RFC3: variants seen among roughly 807,000 people sequenced by gnomAD.
The protein encoded by RFC3 is replication factor C subunit 3.
A neutral mutation model predicts 45.1 loss-of-function variants in RFC3; 41 were observed. The observed-to-expected ratio is 0.91, with a 90% confidence interval of 0.71 to 1.18. The LOEUF is 1.18. RFC3 is among the 50% of genes most tolerant of loss of function. The pLI, the probability that RFC3 is intolerant of heterozygous loss-of-function variation, is 0.00. For missense variants in RFC3, 423 were observed against 428.1 expected, an observed-to-expected ratio of 0.99 and a Z score of 0.10; for synonymous variants, 149 against 144.0, an observed-to-expected ratio of 1.03 and a Z score of -0.25.
chr13:33,918,724 A>G (rs1277705198), intron 8 of RFC3, among the ~76,000 whole-genome samples: 1 of 152,128 alleles, frequency 6.6e-6, no homozygotes, highest in East Asian at 1.9e-4. Flanking sequence ...AGGAAGGCCG[A>G]GGCTGTCACA....
chr13:33,947,263 G>A (rs1436151573), intron 8 of RFC3, among the ~76,000 whole-genome samples: 3 of 152,164 alleles, frequency 2.0e-5, no homozygotes, highest in African/African-American at 4.8e-5. Flanking sequence ...TGAGTCTCAT[G>A]AGATCTGATG....
rs1207189277 is a variant in RFC3, at chr13:33,948,742, GA to G, written c.880-17342del. Reference sequence around the variant, plus strand: ...ACATGGAGTTAAAGGAAATCATTTTGAAACTTTAAGGTTTAATGACTACCCT... The same window carrying G: ...ACATGGAGTTAAAGGAAATCATTTTGAACTTTAAGGTTTAATGACTACCCT... On this transcript the variant is annotated intron_variant, in intron 8 of 8. Coordinates refer to the RFC3 transcript ENST00000434425. Among the ~76,000 whole-genome samples, 3 of 152,338 alleles carry G rather than the reference GA, an allele frequency of 2.0e-5. No homozygotes were observed. The East Asian group carries it at 5.8e-4, about 29-fold the overall frequency.
intron 3 of RFC3, among the ~76,000 whole-genome samples, chr13:33,825,163 G>C (rs575696989): frequency 8.9e-4 from 136 of 152,272 alleles, no homozygotes; most frequent in Non-Finnish European, 1.5e-3. Context: ...CTCTTGGCTT[G>C]AGAGGTCTTT....
Position 33,830,829 on chromosome 13 carries a change from T to A in RFC3, c.684T>A (p.Leu228=). Residue 228 remains leucine, a synonymous_variant, in exon 6 of 9, where the codon CTT becomes CTA. Transcript: ENST00000380071. The part of the protein sequence containing the change: ...KSCRNLRKAL[L]MCEACRVQQY... ...GTAGAAATCTCAGAAAAGCCCTGCT[T>A]ATGTGTGAAGCCTGCAGAGTGCAAC... The A allele has an allele frequency of 6.2e-7, 1 of 1,613,732 alleles. No homozygotes were observed. Among genetic ancestry groups the A allele is most frequent in the Non-Finnish European group, 8.5e-7 (1 of 1,179,840 alleles).
intron 8 of RFC3, among the ~76,000 whole-genome samples, chr13:33,862,452 T>C (rs1338328686): frequency 2.0e-5 from 3 of 152,212 alleles, no homozygotes; most frequent in African/African-American, 7.2e-5. Context: ...CCATTAATGC[T>C]TCCCATCCTT....
intron 8 of RFC3, among the ~76,000 whole-genome samples, chr13:33,883,260 T>G (rs184656427): frequency 6.6e-6 from 1 of 152,290 alleles, no homozygotes; most frequent in Non-Finnish European, 1.5e-5. Context: ...TTTGTAGCAG[T>G]CCAATCCAGG....
At chr13:33,870,412 A>G (rs183312645) in intron 8 of RFC3, among the ~76,000 whole-genome samples, 4 of 152,362 alleles carry the variant, frequency 2.6e-5, no homozygotes, top group African/African-American at 7.2e-5. Flanking sequence ...ATGATGGCAA[A>G]ATAAGAAATA....
chr13:33,880,338 T>G (rs1267005815), intron 8 of RFC3, among the ~76,000 whole-genome samples: 1 of 152,194 alleles, frequency 6.6e-6, no homozygotes. Context: ...TGCAGCATTT[T>G]GGATGTAAGG....
chr13:33,851,600 TGAG>T (rs2082277000), intron 8 of RFC3, among the ~76,000 whole-genome samples: 1 of 152,054 alleles, frequency 6.6e-6, no homozygotes, highest in South Asian at 2.1e-4. Flanking sequence ...AGCAGGCTGT[TGAG>T]GAGGAGGGGT....
In RFC3 at chr13:33,836,773, A is replaced by T; in HGVS notation, c.*478A>T. The stretch of plus-strand genomic sequence containing the variant: ...AATGTAAGATTTCATTCTGAAACAT[A>T]ATTATTGGTATGGACAAAATTGCAG... On this transcript the variant is annotated 3_prime_UTR_variant, in exon 9 of 9. Coordinates refer to ENST00000380071, the MANE Select transcript of RFC3 (RefSeq NM_002915.4). 1 of 985,906 alleles carries T rather than the reference A, an allele frequency of 1.0e-6. No homozygotes were observed. The highest frequency in any genetic ancestry group is 1.2e-6 in the Non-Finnish European group (1 of 830,136). The allele number at this position is 985,906 out of a possible 1,614,324, so 61.1% of individuals were successfully genotyped here.
At chr13:33,900,243 A>G (rs2082631354) in intron 8 of RFC3, among the ~76,000 whole-genome samples, 1 of 152,102 alleles carries the variant, frequency 6.6e-6, no homozygotes, top group African/African-American at 2.4e-5. Flanking sequence ...AAAAAAGAAC[A>G]AAGCGGGAGG....
intron 8 of RFC3, among the ~76,000 whole-genome samples, chr13:33,917,790 G>T (rs1367821740): frequency 6.6e-6 from 1 of 151,982 alleles, no homozygotes; most frequent in East Asian, 1.9e-4. Context: ...AAAATGAAAA[G>T]AGACCCTTTT....
chr13:33,972,935 A>G, the RFC3 span, among the ~76,000 whole-genome samples: 12 of 152,358 alleles, frequency 7.9e-5, no homozygotes, highest in South Asian at 2.1e-3. Flanking sequence ...GCAGAAGGGC[A>G]TAAGAATCGC....
rs143007821 is a variant in RFC3 at position 33,938,508 on chromosome 13, A to G, written c.880-27579A>G. ...AACCACCATTCTGATTTTTAACACT[A>G]TGGTGTTAAAAATCCATTTATTTGG... On this transcript the variant is annotated intron_variant, in intron 8 of 8. Transcript: ENST00000434425. Among the ~76,000 whole-genome samples, 64 of 152,198 alleles carry G rather than the reference A, an allele frequency of 4.2e-4. 1 individual carries two copies. Among genetic ancestry groups the G allele is most frequent in the Non-Finnish European group, 6.2e-4 (42 of 67,980 alleles).
chr13:33,961,618 GAGA>G (rs761401520), intron 8 of RFC3, among the ~76,000 whole-genome samples: 1 of 152,182 alleles, frequency 6.6e-6, no homozygotes, highest in Non-Finnish European at 1.5e-5. Flanking sequence ...CAGGGTAAAG[GAGA>G]AGAAGATACC....
At chr13:33,854,125 G>A (rs779476684) in intron 8 of RFC3, among the ~76,000 whole-genome samples, 8 of 152,196 alleles carry the variant, frequency 5.3e-5, no homozygotes, top group Admixed American at 1.3e-4. Context: ...TTTGTTAACT[G>A]TCTGATGGAA....
At chr13:33,884,469 T>C (rs1449812939) in intron 8 of RFC3, among the ~76,000 whole-genome samples, 1 of 152,208 alleles carries the variant, frequency 6.6e-6, no homozygotes, top group Non-Finnish European at 1.5e-5. Context: ...GACCCAGTTA[T>C]TCTCATTTCT....
downstream of RFC3, among the ~76,000 whole-genome samples, chr13:33,841,567 T>C (rs1274066698): frequency 2.0e-5 from 3 of 152,300 alleles, no homozygotes; most frequent in South Asian, 2.1e-4. Context: ...ATAAGACATA[T>C]ACAAAATGAG....
chr13:33,919,734 T>C (rs1355116181), intron 8 of RFC3, among the ~76,000 whole-genome samples: 2 of 152,156 alleles, frequency 1.3e-5, no homozygotes, highest in East Asian at 3.9e-4. Context: ...GTCAAAATTA[T>C]ATTGAAGAGT....
Sources: gnomAD v4.1 joint callset for allele counts (sites outside exome capture counted in the v4.1 genomes callset) on GRCh38, gnomAD v4.1.1 for gene constraint, MANE v1.5 for transcripts, NCBI Gene and HGNC (gene_info 2026-07-23, HGNC 2026-07-21) for gene names.